PANK4: variants seen among roughly 807,000 people sequenced by gnomAD.
PANK4 encodes the protein pantothenate kinase 4 (inactive).
PANK4 carries 40 observed loss-of-function variants against 87.9 expected under a neutral mutation model. The observed-to-expected ratio is 0.46, with a 90% CI of 0.35 to 0.59. PANK4 has a LOEUF of 0.59. Among genes scored for constraint, PANK4 ranks in the 20% least tolerant of loss-of-function variants. The pLI is 0.00. For synonymous variants in PANK4, 524 were observed against 467.4 expected, an observed-to-expected ratio of 1.12 and a Z score of -1.56; for missense variants, 926 against 1,072.3, an observed-to-expected ratio of 0.86 and a Z score of 1.90.
chr1:2,523,838 G>A (rs1166365848), intron 1 of PANK4, among the ~76,000 whole-genome samples: 1 of 152,246 alleles, frequency 6.6e-6, no homozygotes, highest in African/African-American at 2.4e-5. Context: ...GCCTGGCAAG[G>A]CAGTGACAGG....
intron 12 of PANK4, among the ~76,000 whole-genome samples, chr1:2,513,748 C>T (rs778323231): frequency 1.3e-5 from 2 of 152,216 alleles, no homozygotes; most frequent in Non-Finnish European, 2.9e-5. Flanking sequence ...GGGTTCACAC[C>T]CTTCTTCTCT....
intron 14 of PANK4, 67 bp downstream of exon 14, chr1:2,511,561 G>T: frequency 8.2e-7 from 1 of 1,223,034 alleles, no homozygotes; most frequent in Non-Finnish European, 1.2e-6. Flanking sequence ...TGCATTCGCT[G>T]TTGCAGAGAA....
rs905033191 is a variant in PANK4 at position 2,520,114 on chromosome 1, G to A, written c.700-160C>T. 3.3e-5 allele frequency among the ~76,000 whole-genome samples: 5 copies of A among 152,156 alleles called. No individual in the cohort carries two copies. Among genetic ancestry groups the A allele is most frequent in the Non-Finnish European group, 5.9e-5 (4 of 68,020 alleles). Reference sequence around the variant, plus strand: ...AGGAGGCGGCAAGCGGGACCCTCGGGCCACCCAGCCAGGATAGAAGCTCTG... The same window carrying A: ...AGGAGGCGGCAAGCGGGACCCTCGGACCACCCAGCCAGGATAGAAGCTCTG... On this transcript the variant is annotated intron_variant, in intron 5 of 18. Transcript: ENST00000378466. The surrounding 1 kb of genome is among the most constrained non-coding windows in gnomAD (Gnocchi z 6.2).
At chr1:2,521,407 C>A (rs533540041) in intron 2 of PANK4, 92 bp from the exon 3 acceptor site, 2 of 1,049,868 alleles carry the variant, frequency 1.9e-6, no homozygotes, top group Non-Finnish European at 3.0e-6. Context: ...TGGCTGTTCG[C>A]GCCAGCCTTC....
chr1:2,524,794 C>G (rs1010271168), intron 1 of PANK4, among the ~76,000 whole-genome samples: 7 of 152,222 alleles, frequency 4.6e-5, no homozygotes, highest in Admixed American at 1.3e-4. Context: ...ACAGAATCCC[C>G]CAGTGTAAGG....
chr1:2,518,095 G>A (rs1643815141), intron 9 of PANK4, 69 bp downstream of exon 9: 1 of 929,950 alleles, frequency 1.1e-6, no homozygotes. Flanking sequence ...CTTCGCTCAG[G>A]GACAGGCGAG....
At chr1:2,517,237 G>A (rs968243800) in intron 9 of PANK4, among the ~76,000 whole-genome samples, 1 of 152,232 alleles carries the variant, frequency 6.6e-6, no homozygotes, top group African/African-American at 2.4e-5. Context: ...GACCAGGGCT[G>A]CGGCCAGTGT....
rs200943787 is a variant in PANK4, at chr1:2,511,573, G to A, written c.1783+55C>T. On this transcript the variant is annotated intron_variant, in intron 14 of 18. Coordinates refer to ENST00000378466, the MANE Select transcript of PANK4 (RefSeq NM_018216.4). ...AACTGCATTCGCTGTTGCAGAGAACGTCCAGGCATGGCCCCAGCACAAGGC... is the reference window on the plus strand; with the variant it reads ...AACTGCATTCGCTGTTGCAGAGAACATCCAGGCATGGCCCCAGCACAAGGC... 1.8e-3 allele frequency: 2,308 copies of A among 1,287,742 alleles called. 4 individuals carry two copies. The highest frequency in any genetic ancestry group is 2.0e-3 in the Non-Finnish European group (1,783 of 883,176). The allele number at this position is 1,287,742 out of a possible 1,614,324, so 79.8% of individuals were successfully genotyped here.
In PANK4 at chr1:2,518,546, C is replaced by G; in HGVS notation, c.1087G>C (p.Gly363Arg). 6.4e-7 allele frequency: 1 copy of G among 1,573,010 alleles called. No individual in the cohort carries two copies. The highest frequency in any genetic ancestry group is 8.6e-7 in the Non-Finnish European group (1 of 1,159,058). The change falls in exon 8 of 19, where the codon GGA becomes CGA. Residue 363 changes from glycine (G) to arginine (R), a missense_variant. Gly to Arg is a moderately radical substitution (Grantham distance 125). Coordinates refer to ENST00000378466, the MANE Select transcript of PANK4 (RefSeq NM_018216.4). Reference sequence around the variant, plus strand: ...TGCTCAGCTCCTTTCAGGAACGCTCCGATGGCTCCCAGGTAGCCTTCGTGC... The same window carrying G: ...TGCTCAGCTCCTTTCAGGAACGCTCGGATGGCTCCCAGGTAGCCTTCGTGC... ...LRHEGYLGAIGAFLKGAEQDN... is the reference protein window; with the variant it reads ...LRHEGYLGAIRAFLKGAEQDN...
At chr1:2,513,191 G>A (rs1034049800) in intron 12 of PANK4, 152 bp from the exon 13 acceptor site, 5 of 789,220 alleles carry the variant, frequency 6.3e-6, no homozygotes, top group Admixed American at 5.7e-5. Flanking sequence ...CTATCGGTCC[G>A]GGACAGTGGC....
At chr1:2,517,526 C>A (rs1301542374) in intron 9 of PANK4, among the ~76,000 whole-genome samples, 2 of 152,242 alleles carry the variant, frequency 1.3e-5, no homozygotes, top group East Asian at 3.9e-4. Flanking sequence ...CAGCCTGTGA[C>A]ACGGGGCGGT....
At chr1:2,518,431 A>AC in intron 8 of PANK4, 85 bp downstream of exon 8, 1 of 1,252,874 alleles carries the variant, frequency 8.0e-7, no homozygotes, top group Non-Finnish European at 1.1e-6. Flanking sequence ...CCCCACCTCC[A>AC]CCCTGGGCCG....
At chr1:2,512,592 C>G in intron 13 of PANK4, 1 of 437,090 alleles carries the variant, frequency 2.3e-6, no homozygotes, top group South Asian at 4.2e-5. Flanking sequence ...AATTTGGATT[C>G]TGACAATAGA....
chr1:2,512,792 C>A (rs375392478), intron 13 of PANK4, 96 bp downstream of exon 13: 1 of 1,280,176 alleles, frequency 7.8e-7, no homozygotes, highest in Non-Finnish European at 1.1e-6. Flanking sequence ...CGCCACGTGA[C>A]CCCCAAGGGA....
chr1:2,519,945 C>A lies in PANK4; in HGVS notation c.709G>T (p.Glu237Ter). The change falls in exon 6 of 19, where the codon GAG becomes TAG. Residue 237 changes from glutamate (E) to a stop codon, truncating the protein, a stop_gained. Transcript: ENST00000378466. LOFTEE classifies it high-confidence loss of function. The surrounding 1 kb of genome is among the most constrained non-coding windows in gnomAD (Gnocchi z 8.3). Reference sequence around the variant, plus strand: ...CCCCTCGAGGCCAGGTGCAGGAGCTCGTCAAACTTCTGCAGGACACGGCGA... The same window carrying A: ...CCCCTCGAGGCCAGGTGCAGGAGCTAGTCAAACTTCTGCAGGACACGGCGA... ...ALLTKTKKFD[E>*]LLHLASRGQH... 6.4e-7 allele frequency: 1 copy of A among 1,557,686 alleles called. No individual in the cohort carries two copies. Among genetic ancestry groups the A allele is most frequent in the Non-Finnish European group, 8.7e-7 (1 of 1,149,106 alleles).
rs962686904 is a variant in PANK4 at position 2,520,353 on chromosome 1, C to A, written c.668G>T (p.Trp223Leu). The A allele has an allele frequency of 1.9e-6, 3 of 1,612,992 alleles. No homozygotes were observed. The highest frequency in any genetic ancestry group is 1.1e-5 in the South Asian group (1 of 91,088). Reference protein sequence around the residue: ...GGSSIGGGTFWGLGALLTKTK... With the variant: ...GGSSIGGGTFLGLGALLTKTK... ...TTTGGTGAGCAGAGCGCCAAGCCCC[C>A]AGAAGGTGCCGCCTCCAATGGAGCT... The change falls in exon 5 of 19, where the codon TGG (tryptophan) becomes TTG (leucine). Residue 223 changes from tryptophan (W) to leucine (L), a missense_variant. Transcript: ENST00000378466. The surrounding 1 kb of genome is among the most constrained non-coding windows in gnomAD (Gnocchi z 6.2).
intron 11 of PANK4, 71 bp downstream of exon 11, chr1:2,514,283 G>A: frequency 1.5e-6 from 2 of 1,301,956 alleles, no homozygotes; most frequent in Non-Finnish European, 2.2e-6. Context: ...CAACATCACG[G>A]CACTTTCTCA....
chr1:2,521,751 G>A lies in PANK4; in HGVS notation c.174C>T (p.Val58=), dbSNP rs991059912. The change falls in exon 2 of 19, where the codon GTC becomes GTT. Residue 58 remains valine, a synonymous_variant. Transcript: ENST00000378466. ...LAYYSTVQHK[V]AKVRSFDHSG... ...AGTGGTCGAAAGACCGCACCTTGGCGACTTTGTGCTGTACCGTTGAATAGT... is the reference window on the plus strand; with the variant it reads ...AGTGGTCGAAAGACCGCACCTTGGCAACTTTGTGCTGTACCGTTGAATAGT... 3.7e-6 allele frequency: 6 copies of A among 1,614,038 alleles called. No individual in the cohort carries two copies. Among genetic ancestry groups the A allele is most frequent in the Admixed American group, 1.7e-5 (1 of 60,024 alleles).
At position 2,519,399 on chromosome 1, in the gene PANK4, G is replaced by A. The variant is rs1315196336; in HGVS notation, c.854-75C>T. 3 of 649,694 alleles carry A rather than the reference G, an allele frequency of 4.6e-6. No homozygotes were observed. The highest frequency in any genetic ancestry group is 3.5e-4 in the Middle Eastern group (1 of 2,828). 40.2% of individuals were successfully genotyped at this position (649,694 alleles called of 1,614,324 possible). A position where few individuals can be genotyped will look rare whatever the true frequency, so the allele number is the denominator to read the frequency against. On this transcript the variant is annotated intron_variant, in intron 6 of 18. Transcript: ENST00000378466. The surrounding 1 kb of genome is among the most constrained non-coding windows in gnomAD (Gnocchi z 8.3). Reference sequence around the variant, plus strand: ...GACATGAGAGCGAGCAGGAGGGGAGGGGGAGAGAGAGCTGAGTGGGAGGGG... The same window carrying A: ...GACATGAGAGCGAGCAGGAGGGGAGAGGGAGAGAGAGCTGAGTGGGAGGGG...
Sources: allele counts gnomAD v4.1 joint callset (sites outside exome capture counted in the v4.1 genomes callset), GRCh38; gene constraint gnomAD v4.1.1; non-coding constraint Gnocchi (gnomAD v3.1); transcripts MANE v1.5; gene names NCBI Gene and HGNC (gene_info 2026-07-23, HGNC 2026-07-21).